Variants in INPP5A observed in about 807,000 individuals in gnomAD.
INPP5A encodes the protein inositol polyphosphate-5-phosphatase A.
INPP5A carries 14 observed loss-of-function variants against 65.2 expected under a neutral mutation model. That is an observed-to-expected ratio of 0.21 (90% confidence interval 0.14 to 0.34). The LOEUF is 0.34. Among genes scored for constraint, INPP5A ranks in the 10% least tolerant of loss-of-function variants. The probability of loss-of-function intolerance (pLI) is 1.00; values close to 1 mark genes in which losing one functional copy is unlikely to be tolerated. For synonymous variants in INPP5A, 207 were observed against 208.3 expected (o/e 0.99, Z 0.05); for missense variants, 431 against 545.6 (o/e 0.79, Z 2.09).
At chr10:132,734,679 A>G (rs1846145845) in intron 9 of INPP5A, among the ~76,000 whole-genome samples, 1 of 152,198 alleles carries the variant, frequency 6.6e-6, no homozygotes, top group Non-Finnish European at 1.5e-5. Context: ...GGCCTTGGGC[A>G]CCAGGAGTGC....
At chr10:132,730,113 C>T (rs1362430956) in intron 9 of INPP5A, among the ~76,000 whole-genome samples, 3 of 152,242 alleles carry the variant, frequency 2.0e-5, no homozygotes, top group African/African-American at 7.2e-5. Context: ...GCTGTTTTTC[C>T]TCTCAGTTCC....
chr10:132,723,819 C>G (rs1845937303), intron 8 of INPP5A, among the ~76,000 whole-genome samples: 3 of 152,186 alleles, frequency 2.0e-5, no homozygotes. Flanking sequence ...CTGCCGCTCT[C>G]CTGGGGTCTC....
chr10:132,737,534 G>A (rs1169423027), intron 9 of INPP5A, among the ~76,000 whole-genome samples: 1 of 152,234 alleles, frequency 6.6e-6, no homozygotes, highest in East Asian at 1.9e-4. Flanking sequence ...TGCAGACCCA[G>A]TGGGGCACTG....
intron 2 of INPP5A, among the ~76,000 whole-genome samples, chr10:132,632,569 G>C (rs529362182): frequency 6.6e-6 from 1 of 152,152 alleles, no homozygotes; most frequent in Non-Finnish European, 1.5e-5. Context: ...GCCCGTGCCC[G>C]GTGTGCTTCC....
intron 1 of INPP5A, among the ~76,000 whole-genome samples, chr10:132,562,619 G>A (rs377133592): frequency 3.3e-5 from 5 of 152,386 alleles, no homozygotes; most frequent in African/African-American, 1.2e-4. Flanking sequence ...CACACGGCAC[G>A]AGTGTGGCCA....
At chr10:132,625,570 C>G (rs534950199) in intron 2 of INPP5A, among the ~76,000 whole-genome samples, 1 of 152,116 alleles carries the variant, frequency 6.6e-6, no homozygotes, top group Admixed American at 6.5e-5. Flanking sequence ...TCAGACTGGC[C>G]GGCAGCTGGC....
chr10:132,576,251 C>T (rs1327382185), intron 1 of INPP5A, among the ~76,000 whole-genome samples: 1 of 152,224 alleles, frequency 6.6e-6, no homozygotes, highest in Non-Finnish European at 1.5e-5. Context: ...GTGTGCCCCT[C>T]CTGCCCCCAG....
rs1430701514 is a variant in INPP5A at position 132,545,448 on chromosome 10, C to T, written c.75+7277C>T. On this transcript the variant is annotated intron_variant, in intron 1 of 15. Coordinates refer to ENST00000368594, the MANE Select transcript of INPP5A (RefSeq NM_005539.5). The surrounding 1 kb of genome is among the most constrained non-coding windows in gnomAD (Gnocchi z 4.6). ...GGGACAGCCTCCAGGAAGGTGGCCT[C>T]CATCCGGGAATGGGGTCCAGGCGGA... is the stretch of plus-strand genomic sequence containing the variant. Among the ~76,000 whole-genome samples, 1 of 152,178 alleles carries T rather than the reference C, an allele frequency of 6.6e-6. No individual in the cohort carries two copies. Among genetic ancestry groups the T allele is most frequent in the African/African-American group, 2.4e-5 (1 of 41,436 alleles).
intron 4 of INPP5A, among the ~76,000 whole-genome samples, chr10:132,670,139 C>A (rs982272312): frequency 7.0e-6 from 1 of 142,726 alleles, no homozygotes; most frequent in African/African-American, 2.6e-5. Context: ...ACCCCCAAGA[C>A]CCTACACCCT....
chr10:132,642,595 C>T (rs1408716016), intron 2 of INPP5A, among the ~76,000 whole-genome samples: 1 of 152,224 alleles, frequency 6.6e-6, no homozygotes, highest in Non-Finnish European at 1.5e-5. Context: ...CCTCTCCTCC[C>T]CTGTCACTCC....
In INPP5A at chr10:132,546,543, C is replaced by T. The variant is rs114441175; in HGVS notation, c.75+8372C>T. On this transcript the variant is annotated intron_variant, in intron 1 of 15. Transcript: ENST00000368594. This position sits in a 1 kb window ranked among gnomAD's most constrained non-coding sequence, Gnocchi z 5.7. ...GTTGCTGTGTCGGGGGGCCGTGCTC[C>T]CCCTTCTCTCTTGGAAGGTGTAAGG... Among the ~76,000 whole-genome samples the T allele has an allele frequency of 4.0e-3, 605 of 152,240 alleles. 6 individuals carry two copies. Among genetic ancestry groups the T allele is most frequent in the African/African-American group, 0.013 (544 of 41,546 alleles).
chr10:132,740,420 T>C (rs1846253119), intron 9 of INPP5A, among the ~76,000 whole-genome samples: 2 of 152,150 alleles, frequency 1.3e-5, no homozygotes, highest in Non-Finnish European at 2.9e-5. Context: ...GTTGGTGTAG[T>C]GGCGCGGCAT....
intron 8 of INPP5A, among the ~76,000 whole-genome samples, chr10:132,712,421 ATG>A (rs34217426): frequency 0.13 from 19,648 of 147,446 alleles, 1,507 homozygotes; most frequent in Middle Eastern, 0.23. Flanking sequence ...GTGCATACAT[ATG>A]TGTGTGCACG....
chr10:132,566,137 T>C (rs2071271769), intron 1 of INPP5A, among the ~76,000 whole-genome samples: 1 of 152,176 alleles, frequency 6.6e-6, no homozygotes, highest in Non-Finnish European at 1.5e-5. Context: ...ATTAATTTGC[T>C]CAACGATGTT....
intron 2 of INPP5A, among the ~76,000 whole-genome samples, chr10:132,608,269 C>A (rs1245704142): frequency 1.3e-5 from 2 of 152,230 alleles, no homozygotes; most frequent in Non-Finnish European, 1.5e-5. Flanking sequence ...GGGTGAGCAT[C>A]CCCAGTGGGG....
At chr10:132,748,410 A>G (rs1418796066) in intron 9 of INPP5A, among the ~76,000 whole-genome samples, 2 of 152,114 alleles carry the variant, frequency 1.3e-5, no homozygotes, top group Non-Finnish European at 2.9e-5. Flanking sequence ...TGGGTCTCAC[A>G]CTTCCCTTGT....
In INPP5A at chr10:132,637,067, G is replaced by T. The variant is rs764939508; in HGVS notation, c.118-8801G>T. On this transcript the variant is annotated intron_variant, in intron 2 of 15. Coordinates refer to ENST00000368594, the MANE Select transcript of INPP5A (RefSeq NM_005539.5). The surrounding 1 kb of genome is among the most constrained non-coding windows in gnomAD (Gnocchi z 4.1). The stretch of plus-strand genomic sequence containing the variant: ...CAAGTAGGTAGGACTACAAGCGTGC[G>T]CCACCAGGCCCAGCTAATTTTTGCA... Among the ~76,000 whole-genome samples, 7 of 152,122 alleles carry T rather than the reference G, an allele frequency of 4.6e-5. No homozygotes were observed. The highest frequency in any genetic ancestry group is 1.0e-4 in the Non-Finnish European group (7 of 68,026).
chr10:132,745,344 G>T (rs1047331675), intron 9 of INPP5A, among the ~76,000 whole-genome samples: 2 of 152,202 alleles, frequency 1.3e-5, no homozygotes, highest in Non-Finnish European at 2.9e-5. Flanking sequence ...GTGACTAACG[G>T]ATTCCCTTGT....
intron 11 of INPP5A, among the ~76,000 whole-genome samples, chr10:132,750,425 T>C (rs1846454784): frequency 6.6e-6 from 1 of 152,172 alleles, no homozygotes; most frequent in South Asian, 2.1e-4. Flanking sequence ...CACGGAGAGG[T>C]GGCCCCTGCC....
Sources: gnomAD v4.1 joint callset for allele counts (sites outside exome capture counted in the v4.1 genomes callset) on GRCh38, gnomAD v4.1.1 for gene constraint, Gnocchi (gnomAD v3.1) non-coding constraint, MANE v1.5 for transcripts, NCBI Gene and HGNC (gene_info 2026-07-23, HGNC 2026-07-21) for gene names.